The following SERINC2 variants were observed in gnomAD, a reference collection of about 807,000 sequenced individuals.
SERINC2 encodes tumor differentially expressed protein 2.
SERINC2 carries 56 observed loss-of-function variants against 54.2 expected under a neutral mutation model. The observed-to-expected ratio is 1.03, with a 90% CI of 0.83 to 1.29. SERINC2 has a LOEUF of 1.29. SERINC2 is among the 50% of genes most tolerant of loss of function. SERINC2 has a pLI of 0.00. For missense variants in SERINC2, 614 were observed against 607.4 expected (o/e 1.01, Z -0.12); for synonymous variants, 272 against 253.1 (o/e 1.07, Z -0.71).
rs1641012128 is a variant in SERINC2 at position 31,425,390 on chromosome 1, T to C, written c.453T>C (p.Pro151=). ...VGLTVGAFYI[P]DGSFTNIWFY... is the part of the protein sequence containing the mutation. ...TCACCGTGGGTGCCTTCTACATTCC[T>C]GACGGCTCCTTCACCAACAGTAGGC... The change falls in exon 4 of 10, where the codon CCT becomes CCC. Residue 151 remains proline (P), a synonymous_variant. Transcript: ENST00000373709. The C allele has an allele frequency of 8.7e-6, 14 of 1,611,244 alleles. No homozygotes were observed. Among genetic ancestry groups the C allele is most frequent in the African/African-American group, 1.3e-5 (1 of 74,900 alleles).
chr1:31,432,093 C>G (rs146586244), intron 8 of SERINC2, among the ~76,000 whole-genome samples: 1,275 of 16,260 alleles, frequency 0.078, 40 homozygotes, highest in East Asian at 0.11. Flanking sequence ...TTAGGGTGGA[C>G]AGGGTGGACA....
At chr1:31,426,514 G>C in intron 5 of SERINC2, 140 bp from the exon 6 acceptor site, 1 of 633,034 alleles carries the variant, frequency 1.6e-6, no homozygotes, top group Non-Finnish European at 2.7e-6. Flanking sequence ...GTTGGTGAAA[G>C]GCAGTGACGT....
chr1:31,413,230 C>T lies in SERINC2; in HGVS notation c.-36C>T, dbSNP rs1305378430. The T allele has an allele frequency of 6.5e-5, 74 of 1,130,468 alleles. 2 individuals carry two copies. The East Asian group carries it at 2.5e-3, about 38-fold the overall frequency. The allele number at this position is 1,130,468 out of a possible 1,614,324, so 70.0% of individuals were successfully genotyped here. The stretch of plus-strand genomic sequence containing the variant: ...CGGATCCCGAGGTCCGCGCCCCGCG[C>T]CCGGCGCCGGGCGCCCGAAGCCGGG... On this transcript the variant is annotated 5_prime_UTR_variant, in exon 1 of 10. Transcript: ENST00000373709. This position sits in a 1 kb window ranked among gnomAD's most constrained non-coding sequence, Gnocchi z 5.0.
chr1:31,426,928 G>A (rs1408246379), intron 6 of SERINC2, 105 bp downstream of exon 6: 5 of 1,046,112 alleles, frequency 4.8e-6, no homozygotes, highest in Non-Finnish European at 7.0e-6. Context: ...ACAGAGGCAC[G>A]GCCTGAGTGT....
chr1:31,427,118 C>T (rs1447409453), intron 6 of SERINC2, among the ~76,000 whole-genome samples: 1 of 152,202 alleles, frequency 6.6e-6, no homozygotes, highest in Admixed American at 6.5e-5. Flanking sequence ...CATGCCTGGC[C>T]TGTAGATATC....
At chr1:31,433,957 A>T (rs1641393944) in intron 9 of SERINC2, 107 bp from the exon 10 acceptor site, 3 of 1,150,256 alleles carry the variant, frequency 2.6e-6, no homozygotes, top group African/African-American at 3.0e-5. Context: ...TTACAGGGTA[A>T]GAGCCAGAGT....
intron 8 of SERINC2, 39 bp downstream of exon 8, chr1:31,429,577 G>A (rs1394180088): frequency 1.3e-6 from 2 of 1,556,798 alleles, no homozygotes; most frequent in Non-Finnish European, 1.7e-6. Context: ...GATCATGATT[G>A]AGGGCCCTGA....
chr1:31,425,309 A>G (rs1641008901), intron 3 of SERINC2, 21 bp from the exon 4 acceptor site: 2 of 1,588,396 alleles, frequency 1.3e-6, no homozygotes, highest in Admixed American at 1.7e-5. Context: ...TTCCTTGTCC[A>G]TTCCCCGACC....
intron 9 of SERINC2, 65 bp from the exon 10 acceptor site, chr1:31,433,999 C>A (rs927045493): frequency 6.4e-7 from 1 of 1,560,964 alleles, no homozygotes; most frequent in African/African-American, 1.3e-5. Flanking sequence ...GGACATAAGG[C>A]CAGGGGCCAA....
At chr1:31,409,982 G>A, upstream of SERINC2, 1 of 998,782 alleles carries the variant, frequency 1.0e-6, no homozygotes. Flanking sequence ...GGTGGTCCAA[G>A]AAGTCAGAGT....
rs782011296 is a variant in SERINC2, at chr1:31,424,832, C to G, written c.351C>G (p.Cys117Trp). The G allele has an allele frequency of 1.9e-6, 3 of 1,611,222 alleles. No individual in the cohort carries two copies. The highest frequency in any genetic ancestry group is 2.5e-6 in the Non-Finnish European group (3 of 1,179,456). ...TCTTTTTCACCCTGCTCATGCTCTGCGTGAGCAGCAGCCGGGACCCCCGGG... is the reference window on the plus strand; with the variant it reads ...TCTTTTTCACCCTGCTCATGCTCTGGGTGAGCAGCAGCCGGGACCCCCGGG... ...FFFFFTLLMLCVSSSRDPRAA... is the reference protein window; with the variant it reads ...FFFFFTLLMLWVSSSRDPRAA... The change falls in exon 3 of 10, where the codon TGC becomes TGG. Residue 117 changes from cysteine to tryptophan, a missense_variant. Physicochemically the swap from Cys to Trp is radical, Grantham distance 215. Coordinates refer to ENST00000373709, the MANE Select transcript of SERINC2 (RefSeq NM_178865.5).
chr1:31,429,214 C>A, intron 7 of SERINC2, 146 bp downstream of exon 7: 2 of 993,318 alleles, frequency 2.0e-6, no homozygotes, highest in Non-Finnish European at 3.1e-6. Flanking sequence ...GATGGGAGGG[C>A]CCCGTCTGTT....
Position 31,434,485 on chromosome 1 carries a change from G to A in SERINC2, c.*286G>A, listed in dbSNP as rs540755582. 1.2e-4 allele frequency: 56 copies of A among 448,956 alleles called. No homozygotes were observed. Among genetic ancestry groups the A allele is most frequent in the Non-Finnish European group, 2.0e-4 (51 of 249,372 alleles). The allele number at this position is 448,956 out of a possible 1,614,324, so 27.8% of individuals were successfully genotyped here. On this transcript the variant is annotated 3_prime_UTR_variant, in exon 10 of 10. Coordinates refer to ENST00000373709, the MANE Select transcript of SERINC2 (RefSeq NM_178865.5). Reference sequence around the variant, plus strand: ...CATACTCAGCATCTCGGATGAAAGGGCTCCCTTGTCCTCAGGCTCCACGGG... The same window carrying A: ...CATACTCAGCATCTCGGATGAAAGGACTCCCTTGTCCTCAGGCTCCACGGG...
At chr1:31,426,510 G>A in intron 5 of SERINC2, 144 bp from the exon 6 acceptor site, 3 of 622,520 alleles carry the variant, frequency 4.8e-6, no homozygotes, top group Non-Finnish European at 8.3e-6. Flanking sequence ...AGGTGTTGGT[G>A]AAAGGCAGTG....
intron 1 of SERINC2, among the ~76,000 whole-genome samples, chr1:31,420,098 A>G (rs1295074791): frequency 6.6e-6 from 1 of 152,094 alleles, no homozygotes; most frequent in African/African-American, 2.4e-5. Flanking sequence ...ATCTGCCCTT[A>G]CTCCAATGGT....
intron 8 of SERINC2, among the ~76,000 whole-genome samples, chr1:31,429,789 G>T (rs1266391980): frequency 7.9e-5 from 12 of 152,194 alleles, no homozygotes; most frequent in Non-Finnish European, 1.6e-4. Flanking sequence ...TCAGTTGGGT[G>T]CAGACGGCTG....
intron 8 of SERINC2, among the ~76,000 whole-genome samples, chr1:31,432,148 AGGGTGGACAGGGT>A (rs1641300606): frequency 7.1e-6 from 1 of 141,294 alleles, no homozygotes; most frequent in African/African-American, 2.7e-5. Context: ...CAGGGTGGAC[AGGGTGGACAGGGT>A]GGATAGGGTG....
chr1:31,429,928 C>A (rs1382338957), intron 8 of SERINC2, among the ~76,000 whole-genome samples: 2 of 152,078 alleles, frequency 1.3e-5, no homozygotes, highest in African/African-American at 4.8e-5. Flanking sequence ...AGGATGACAA[C>A]CTCCACTGTA....
chr1:31,410,101 T>C, upstream of SERINC2: 4 of 1,277,874 alleles, frequency 3.1e-6, no homozygotes, highest in Non-Finnish European at 4.2e-6. Flanking sequence ...ATGGTTTACA[T>C]AGCATTGGGT....
Sources: allele counts gnomAD v4.1 joint callset (sites outside exome capture counted in the v4.1 genomes callset), GRCh38; gene constraint gnomAD v4.1.1; non-coding constraint Gnocchi (gnomAD v3.1); transcripts MANE v1.5; gene names NCBI Gene and HGNC (gene_info 2026-07-23, HGNC 2026-07-21).